Variants in DOK6 observed in about 807,000 individuals in gnomAD.
DOK6 encodes downstream of tyrosine kinase 6.
Under a neutral mutation model 44.0 loss-of-function variants are expected in DOK6, and 22 were observed. The ratio of observed to expected loss-of-function variants is 0.50; its 90% CI spans 0.36 to 0.71. The LOEUF (loss-of-function observed/expected upper bound fraction) is 0.71, where lower values mean the gene tolerates loss of function less well. Ranked by LOEUF, DOK6 falls within the 30% of genes least tolerant of loss-of-function variation. The pLI is 0.00. For missense variants in DOK6, 340 were observed against 416.4 expected (o/e 0.82, Z 1.60); for synonymous variants, 166 against 145.5 (o/e 1.14, Z -1.01).
At chr18:69,535,596 ATG>A (rs1171490666) in intron 1 of DOK6, among the ~76,000 whole-genome samples, 1 of 151,972 alleles carries the variant, frequency 6.6e-6, no homozygotes. Context: ...TCATATATAT[ATG>A]TGATTCATGT....
intron 1 of DOK6, among the ~76,000 whole-genome samples, chr18:69,456,456 C>G (rs1208631953): frequency 6.6e-6 from 1 of 152,112 alleles, no homozygotes; most frequent in Non-Finnish European, 1.5e-5. Flanking sequence ...CAGTTGCATC[C>G]ATGTTGCTGC....
intron 1 of DOK6, among the ~76,000 whole-genome samples, chr18:69,406,269 A>T (rs1467924010): frequency 1.3e-5 from 2 of 152,220 alleles, no homozygotes; most frequent in African/African-American, 4.8e-5. Flanking sequence ...TGTGTATGAC[A>T]TCTGATGTAT....
intron 7 of DOK6, among the ~76,000 whole-genome samples, chr18:69,792,862 T>A (rs1259820050): frequency 6.6e-6 from 1 of 152,106 alleles, no homozygotes; most frequent in African/African-American, 2.4e-5. Context: ...CTTCAGGAGA[T>A]AATAAAAAGT....
At chr18:69,734,195 C>G (rs1218784702) in intron 5 of DOK6, among the ~76,000 whole-genome samples, 1 of 150,722 alleles carries the variant, frequency 6.6e-6, no homozygotes, top group Non-Finnish European at 1.5e-5. Flanking sequence ...TTGAAGAGGT[C>G]AGCTTTCCCT....
At chr18:69,549,176 G>A (rs1449937461) in intron 1 of DOK6, among the ~76,000 whole-genome samples, 1 of 150,918 alleles carries the variant, frequency 6.6e-6, no homozygotes, top group Non-Finnish European at 1.5e-5. Context: ...TTCTGAATCT[G>A]ATTTAAATGT....
At chr18:69,681,893 AATTTGCTACT>A (rs1986053836) in intron 4 of DOK6, among the ~76,000 whole-genome samples, 1 of 152,228 alleles carries the variant, frequency 6.6e-6, no homozygotes, top group Middle Eastern at 3.2e-3. Flanking sequence ...GGATAGGTCC[AATTTGCTACT>A]GATGCAAGAG....
At chr18:69,430,178 CCAT>C (rs1382674587) in intron 1 of DOK6, among the ~76,000 whole-genome samples, 15 of 152,218 alleles carry the variant, frequency 9.9e-5, no homozygotes, top group African/African-American at 2.9e-4. Context: ...GAAGAAAAAG[CCAT>C]CATTTCCAAA....
chr18:69,774,263 C>G (rs980385483), intron 7 of DOK6, among the ~76,000 whole-genome samples: 2 of 150,528 alleles, frequency 1.3e-5, no homozygotes, highest in South Asian at 4.2e-4. Flanking sequence ...GAATGGAAAA[C>G]CAAACATCAT....
chr18:69,528,363 G>A (rs1375465302), intron 1 of DOK6, among the ~76,000 whole-genome samples: 5 of 151,954 alleles, frequency 3.3e-5, no homozygotes, highest in African/African-American at 1.2e-4. Context: ...ATATTCTAAC[G>A]TACTTAAAGT....
chr18:69,832,890 A>C (rs916026431), intron 7 of DOK6, among the ~76,000 whole-genome samples: 2 of 152,206 alleles, frequency 1.3e-5, no homozygotes, highest in African/African-American at 4.8e-5. Flanking sequence ...GGGACAATAT[A>C]AAATACTGAT....
chr18:69,442,821 C>T (rs1034520979), intron 1 of DOK6, among the ~76,000 whole-genome samples: 2 of 152,116 alleles, frequency 1.3e-5, no homozygotes, highest in Non-Finnish European at 2.9e-5. Flanking sequence ...CATTGCACAT[C>T]TTTCATTGTA....
chr18:69,443,035 C>T (rs1979180169), intron 1 of DOK6, among the ~76,000 whole-genome samples: 2 of 152,118 alleles, frequency 1.3e-5, no homozygotes, highest in African/African-American at 4.8e-5. Flanking sequence ...ATGAAGATCA[C>T]TCATTTTTTT....
intron 7 of DOK6, among the ~76,000 whole-genome samples, chr18:69,835,475 C>A (rs1338452636): frequency 9.2e-5 from 2 of 21,654 alleles, no homozygotes; most frequent in East Asian, 0.014. Flanking sequence ...AAAAAAACAA[C>A]AACAACAACA....
chr18:69,510,163 G>A (rs1284594069), intron 1 of DOK6, among the ~76,000 whole-genome samples: 2 of 152,072 alleles, frequency 1.3e-5, no homozygotes, highest in East Asian at 1.9e-4. Flanking sequence ...TGAAACAAAC[G>A]AATCCTAACA....
intron 3 of DOK6, among the ~76,000 whole-genome samples, chr18:69,642,274 G>T (rs1984961021): frequency 6.6e-6 from 1 of 152,072 alleles, no homozygotes; most frequent in Admixed American, 6.5e-5. Flanking sequence ...ACTGATAAAA[G>T]AATACAGGTA....
At chr18:69,659,939 T>TATATATAAC (rs1568325277) in intron 3 of DOK6, 1 of 102,522 alleles carries the variant, frequency 9.8e-6, no homozygotes, top group Non-Finnish European at 2.2e-5. Context: ...GTATGTTTTA[T>TATATATAAC]ATATATAACA....
At chr18:69,497,265 T>G (rs1437805001) in intron 1 of DOK6, among the ~76,000 whole-genome samples, 1 of 152,190 alleles carries the variant, frequency 6.6e-6, no homozygotes, top group African/African-American at 2.4e-5. Context: ...AGCAAAGTCA[T>G]TCGAACAGCA....
chr18:69,549,534 C>T (rs150463757), intron 1 of DOK6, among the ~76,000 whole-genome samples: 3 of 151,666 alleles, frequency 2.0e-5, no homozygotes, highest in Non-Finnish European at 1.5e-5. Flanking sequence ...TTGTCCAGTC[C>T]TTTCCTAGTT....
At chr18:69,739,223 C>T in intron 6 of DOK6, 120 bp downstream of exon 6, 1 of 1,363,642 alleles carries the variant, frequency 7.3e-7, no homozygotes. Context: ...TGCCCTGATC[C>T]TGAGGGCTTA....
Sources: gnomAD v4.1 joint callset for allele counts (sites outside exome capture counted in the v4.1 genomes callset) on GRCh38, gnomAD v4.1.1 for gene constraint, MANE v1.5 for transcripts, NCBI Gene and HGNC (gene_info 2026-07-23, HGNC 2026-07-21) for gene names.